The following PHKA2 variants were observed in gnomAD, a reference collection of about 807,000 sequenced individuals.
PHKA2 encodes the protein phosphorylase kinase regulatory subunit alpha 2.
PHKA2 carries 31 observed loss-of-function variants against 102.0 expected under a neutral mutation model. That is an observed-to-expected ratio of 0.30 (90% CI 0.23 to 0.41). The LOEUF is 0.41. PHKA2 is among the 10% of genes least tolerant of loss of function. The probability of loss-of-function intolerance (pLI) is 1.00; values close to 1 mark genes in which losing one functional copy is unlikely to be tolerated. For synonymous variants in PHKA2, 455 were observed against 416.2 expected (o/e 1.09, Z -1.13); for missense variants, 858 against 1,023.1 (o/e 0.84, Z 2.20).
In PHKA2 at chrX:18,936,078, G is replaced by A. The variant is rs2048389842; in HGVS notation, c.1114C>T (p.Leu372Phe). 2 of 1,206,771 alleles carry A rather than the reference G, an allele frequency of 1.7e-6. No homozygotes were observed. Among genetic ancestry groups the A allele is most frequent in the Non-Finnish European group, 2.2e-6 (2 of 890,994 alleles). Residue 372 changes from leucine to phenylalanine, a missense_variant, in exon 11 of 33, where the codon CTC (leucine) becomes TTC (phenylalanine). Around this residue, in one of 2 missense-constraint regions of PHKA2, gnomAD observed 671 missense variants for 745.2 expected, o/e 0.90. Transcript: ENST00000379942. ...ACCTTGTTAGGCGGGACAGCGTAGA[G>A]TTCAGGCACCAGGCGGATCCCATTC... ...GKNGIRLVPE[L>F]YAVPPNKVDE... is the part of the protein sequence containing the mutation.
At chrX:18,897,142 G>A in intron 30 of PHKA2, 21 bp downstream of exon 30, 1 of 1,209,780 alleles carries the variant, frequency 8.3e-7, no homozygotes, top group Non-Finnish European at 1.1e-6. Context: ...CACTTCCCCA[G>A]GAGCTCGCGT....
chrX:18,938,208 A>G lies in PHKA2; in HGVS notation c.1041+419T>C, dbSNP rs771841299. On this transcript the variant is annotated intron_variant, in intron 10 of 32. Coordinates refer to ENST00000379942, the MANE Select transcript of PHKA2 (RefSeq NM_000292.3). Reference sequence around the variant, plus strand: ...GAGGGGAAAACAACCAACATGTAAAATTAATGGCCCAGAGACTACAATATT... The same window carrying G: ...GAGGGGAAAACAACCAACATGTAAAGTTAATGGCCCAGAGACTACAATATT... 3.6e-3 allele frequency among the ~76,000 whole-genome samples: 407 copies of G among 113,044 alleles called. 1 individual carries two copies. The highest frequency in any genetic ancestry group is 0.013 in the African/African-American group (395 of 31,161).
chrX:18,903,694 C>CG (rs1354023624), intron 26 of PHKA2, among the ~76,000 whole-genome samples: 6 of 112,244 alleles, frequency 5.3e-5, no homozygotes, highest in African/African-American at 1.9e-4. Context: ...CCAGAGGCCA[C>CG]TGATGCACTG....
intron 12 of PHKA2, among the ~76,000 whole-genome samples, chrX:18,931,059 G>C (rs767667687): frequency 1.1e-4 from 12 of 112,029 alleles, no homozygotes; most frequent in Admixed American, 1.0e-3. Flanking sequence ...CGGCTCCAAA[G>C]TATTTGCATA....
Position 18,941,631 on chromosome X carries a change from T to C in PHKA2, c.762A>G (p.Glu254=), listed in dbSNP as rs1569320232. 1 of 1,165,165 alleles carries C rather than the reference T, an allele frequency of 8.6e-7. No individual in the cohort carries two copies. The highest frequency in any genetic ancestry group is 1.2e-6 in the Non-Finnish European group (1 of 852,358). The part of the protein sequence containing the change: ...SMLPRASTSK[E]IDAGLLSIIS... ...TAATGGAAAGAAGTCCAGCATCAATTTCTTTAGATGTCGACGCTCTTGGCA... is the reference window on the plus strand; with the variant it reads ...TAATGGAAAGAAGTCCAGCATCAATCTCTTTAGATGTCGACGCTCTTGGCA... Residue 254 remains glutamate (E), a synonymous_variant, in exon 8 of 33, where the codon GAA becomes GAG. Transcript: ENST00000379942.
chrX:18,953,962 G>T (rs1329153038), intron 2 of PHKA2, among the ~76,000 whole-genome samples: 1 of 110,951 alleles, frequency 9.0e-6, no homozygotes, highest in Non-Finnish European at 1.9e-5. Context: ...CCCCAGCCTG[G>T]GTGACAGAGT....
chrX:18,902,539 A>G (rs2047711512), intron 26 of PHKA2, among the ~76,000 whole-genome samples: 1 of 107,622 alleles, frequency 9.3e-6, no homozygotes, highest in South Asian at 4.2e-4. Context: ...AGGCGGGCAG[A>G]TCACCTGAGG....
Position 18,910,885 on chromosome X carries a change from G to A in PHKA2, c.2213C>T (p.Pro738Leu). The change falls in exon 20 of 33, where the codon CCA becomes CTA. Residue 738 changes from proline to leucine, a missense_variant. Physicochemically the swap from Pro to Leu is moderately conservative, Grantham distance 98. Transcript: ENST00000379942. ...CATATACTTTACCTTTTCTAGGAGT[G>A]GCTGAGGAGAATCAACAAGATTCAG... is the stretch of plus-strand genomic sequence containing the variant. Reference protein sequence around the residue: ...KSLNLVDSPQPLLEKVPESDF... With the variant: ...KSLNLVDSPQLLLEKVPESDF... 2.5e-6 allele frequency: 3 copies of A among 1,181,630 alleles called. No individual in the cohort carries two copies. The highest frequency in any genetic ancestry group is 3.4e-6 in the Non-Finnish European group (3 of 870,449).
chrX:18,948,619 C>A lies in PHKA2; in HGVS notation c.537+125G>T. ...AGTTTGTGTGTGGAGGTGACACAAT[C>A]TCATAGCGCTAGTCTCGCTAACCTT... On this transcript the variant is annotated intron_variant, in intron 5 of 32. Coordinates refer to ENST00000379942, the MANE Select transcript of PHKA2 (RefSeq NM_000292.3). 5.7e-6 allele frequency: 3 copies of A among 522,867 alleles called. No individual in the cohort carries two copies. The Admixed American group carries it at 7.0e-5, about 12-fold the overall frequency. The allele number at this position is 522,867 out of a possible 1,213,427, so 43.1% of individuals were successfully genotyped here.
At chrX:18,957,738 T>TTATTTATATATATATATATATATA (rs2048804071) in intron 1 of PHKA2, among the ~76,000 whole-genome samples, 1 of 95,182 alleles carries the variant, frequency 1.1e-5, no homozygotes, top group African/African-American at 4.4e-5. Flanking sequence ...TAAAACCAGA[T>TTATTTATATATATATATATATATA]TATATATATA....
In PHKA2 at chrX:18,898,828, T is replaced by A. The variant is rs2047622500; in HGVS notation, c.3111+345A>T. On this transcript the variant is annotated intron_variant, in intron 29 of 32. Transcript: ENST00000379942. ...CAGGTGCAGAGTGCTAGTTGGCACA[T>A]GTGGGCAAGGGCTCACCATCCTGGC... 4.5e-5 allele frequency among the ~76,000 whole-genome samples: 5 copies of A among 111,749 alleles called. No individual in the cohort carries two copies. In the Admixed American group the frequency reaches 4.7e-4, roughly 11 times the overall value.
Position 18,963,234 on chromosome X carries a change from T to C in PHKA2, c.79-8822A>G, listed in dbSNP as rs1419936075. On this transcript the variant is annotated intron_variant, in intron 1 of 32. Coordinates refer to ENST00000379942, the MANE Select transcript of PHKA2 (RefSeq NM_000292.3). ...CCCAGCTGCAGGGAAGGATATGTGG[T>C]CCAGGCCTGGCCAATCTGGGCACGG... is the stretch of plus-strand genomic sequence containing the variant. Among the ~76,000 whole-genome samples, 5 of 112,575 alleles carry C rather than the reference T, an allele frequency of 4.4e-5. No individual in the cohort carries two copies. In the East Asian group the frequency reaches 8.4e-4, roughly 19 times the overall value.
chrX:18,899,162 G>A lies in PHKA2; in HGVS notation c.3111+11C>T. 2.5e-6 allele frequency: 3 copies of A among 1,201,397 alleles called. No homozygotes were observed. The highest frequency in any genetic ancestry group is 4.3e-5 in the Admixed American group (2 of 46,073). On this transcript the variant is annotated intron_variant, in intron 29 of 32. Transcript: ENST00000379942. ...GCGGGGACGGACACAATAATCCCGA[G>A]GCACTGTTACCGCAGACTTGGAGGA...
rs2047987656 is a variant in PHKA2, at chrX:18,914,552, A to C, written c.2138-3592T>G. Among the ~76,000 whole-genome samples, 4 of 111,363 alleles carry C rather than the reference A, an allele frequency of 3.6e-5. No homozygotes were observed. In the Admixed American group the frequency reaches 3.8e-4, roughly 11 times the overall value. On this transcript the variant is annotated intron_variant, in intron 19 of 32. Transcript: ENST00000379942. ...TCCAAAACAAGGAAGGCTGGGGAGAAGCTATCTGAGAAGCAGTGAGCTCCC... is the reference window on the plus strand; with the variant it reads ...TCCAAAACAAGGAAGGCTGGGGAGACGCTATCTGAGAAGCAGTGAGCTCCC...
chrX:18,938,894 T>G (rs1017677028), intron 9 of PHKA2, 145 bp from the exon 10 acceptor site: 10 of 509,853 alleles, frequency 2.0e-5, no homozygotes, highest in Non-Finnish European at 3.4e-5. Context: ...TGAGATGCTG[T>G]TTTTGGCAGT....
At chrX:18,932,587 A>T (rs1009590868) in intron 11 of PHKA2, among the ~76,000 whole-genome samples, 1 of 110,600 alleles carries the variant, frequency 9.0e-6, no homozygotes, top group South Asian at 3.8e-4. Context: ...TTTTTCAATA[A>T]GAAAAACTTT....
Position 18,938,669 on chromosome X carries a change from T to C in PHKA2, c.999A>G (p.Thr333=), listed in dbSNP as rs748151433. Reference sequence around the variant, plus strand: ...TGAAGACTCCATCTATTATAAAATATGTCCAAAACACAGGCCACTCACATT... The same window carrying C: ...TGAAGACTCCATCTATTATAAAATACGTCCAAAACACAGGCCACTCACATT... ...NIECEWPVFW[T]YFIIDGVFSG... is the part of the protein sequence containing the mutation. The change falls in exon 10 of 33, where the codon ACA becomes ACG. Residue 333 remains threonine, a synonymous_variant. Transcript: ENST00000379942. 2 of 1,203,807 alleles carry C rather than the reference T, an allele frequency of 1.7e-6. No individual in the cohort carries two copies. The highest frequency in any genetic ancestry group is 2.3e-6 in the Non-Finnish European group (2 of 887,913).
At chrX:18,979,280 T>C (rs1327465725) in intron 1 of PHKA2, among the ~76,000 whole-genome samples, 1 of 112,597 alleles carries the variant, frequency 8.9e-6, no homozygotes, top group Non-Finnish European at 1.9e-5. Flanking sequence ...TTACTATTTG[T>C]TCCATACTCC....
At chrX:18,925,907 C>A in intron 14 of PHKA2, 130 bp from the exon 15 acceptor site, 1 of 502,410 alleles carries the variant, frequency 2.0e-6, no homozygotes. Context: ...TCTTCTACTG[C>A]CATCATCCTT....
Sources: allele counts gnomAD v4.1 joint callset (sites outside exome capture counted in the v4.1 genomes callset), GRCh38; gene constraint gnomAD v4.1.1; regional missense constraint gnomAD v4.1.1; transcripts MANE v1.5; gene names NCBI Gene and HGNC (gene_info 2026-07-23, HGNC 2026-07-21).